EDDM13: variants seen among roughly 807,000 people sequenced by gnomAD.
The protein encoded by EDDM13 is epididymal protein 13.
A neutral mutation model predicts 17.8 loss-of-function variants in EDDM13; 24 were observed. That is an observed-to-expected ratio of 1.35 (90% CI 0.98 to 1.90). The LOEUF is 1.90. Among genes scored for constraint, EDDM13 ranks in the 40% most tolerant of loss-of-function variants. The pLI is 0.00. For missense variants in EDDM13, 97 were observed against 100.8 expected (o/e 0.96, Z 0.16); for synonymous variants, 31 against 37.5 (o/e 0.83, Z 0.63).
intron 13 of EDDM13, among the ~76,000 whole-genome samples, chr19:56,303,658 C>T (rs530045786): frequency 8.5e-5 from 13 of 152,092 alleles, no homozygotes; most frequent in South Asian, 4.1e-4. Context: ...CAGAGAAGAA[C>T]GGAACCCATA....
chr19:56,298,973 T>G (rs2040057625), intron 12 of EDDM13, among the ~76,000 whole-genome samples: 1 of 152,194 alleles, frequency 6.6e-6, no homozygotes, highest in African/African-American at 2.4e-5. Context: ...GCAATACATG[T>G]TAAACAATCA....
chr19:56,280,291 G>A (rs2869158), intron 2 of EDDM13, among the ~76,000 whole-genome samples: 59,224 of 151,974 alleles, frequency 0.39, 13,626 homozygotes, highest in Non-Finnish European at 0.51. Context: ...TTATTTATAC[G>A]TTTTTGGCTG....
At chr19:56,275,172 G>A (rs1363730060) in intron 1 of EDDM13, among the ~76,000 whole-genome samples, 1 of 152,112 alleles carries the variant, frequency 6.6e-6, no homozygotes, top group East Asian at 1.9e-4. Context: ...TTCCCCCTTT[G>A]TAATTAATAA....
chr19:56,274,534 TGA>T, intron 1 of EDDM13: 2 of 152,186 alleles, frequency 1.3e-5, no homozygotes, highest in Admixed American at 1.3e-4. Context: ...ATTTTAGACT[TGA>T]GGAAAAGTCA....
chr19:56,303,344 G>GGC (rs968791288), intron 13 of EDDM13, among the ~76,000 whole-genome samples: 17 of 152,204 alleles, frequency 1.1e-4, no homozygotes, highest in African/African-American at 4.1e-4. Context: ...CGGGCATGGT[G>GGC]GCGCATGCCT....
At chr19:56,285,490 G>A (rs775582132) in intron 6 of EDDM13, among the ~76,000 whole-genome samples, 2 of 152,128 alleles carry the variant, frequency 1.3e-5, no homozygotes, top group South Asian at 2.1e-4. Context: ...GAAATGCTTC[G>A]TGTGTACTCC....
intron 11 of EDDM13, among the ~76,000 whole-genome samples, chr19:56,296,892 G>A (rs2039912324): frequency 6.6e-6 from 1 of 152,064 alleles, no homozygotes; most frequent in South Asian, 2.1e-4. Flanking sequence ...CAATTATTTT[G>A]AAACAAATTT....
intron 2 of EDDM13, among the ~76,000 whole-genome samples, chr19:56,278,931 G>T (rs2038466889): frequency 6.6e-6 from 1 of 152,162 alleles, no homozygotes. Flanking sequence ...CAACTGGATG[G>T]TGCTCACCCA....
chr19:56,306,950 TC>T (rs2040725893), intron 14 of EDDM13, among the ~76,000 whole-genome samples: 1 of 47,414 alleles, frequency 2.1e-5, no homozygotes, highest in Non-Finnish European at 3.9e-5. Context: ...ACAAAGAGGC[TC>T]CTCCCTGGCC....
chr19:56,287,453 T>C (rs1469217778), intron 6 of EDDM13, among the ~76,000 whole-genome samples: 5 of 152,176 alleles, frequency 3.3e-5, no homozygotes, highest in Admixed American at 2.6e-4. Flanking sequence ...TCTTCTCCTT[T>C]TAACAAGCAC....
At chr19:56,275,488 C>T (rs994896878) in intron 1 of EDDM13, among the ~76,000 whole-genome samples, 17 of 152,074 alleles carry the variant, frequency 1.1e-4, no homozygotes, top group African/African-American at 3.6e-4. Context: ...CCCAGCACTT[C>T]GGGAGGCCAA....
At chr19:56,305,885 C>T (rs893857920) in intron 14 of EDDM13, among the ~76,000 whole-genome samples, 2 of 151,418 alleles carry the variant, frequency 1.3e-5, no homozygotes, top group African/African-American at 4.9e-5. Flanking sequence ...GTGAAAGAGC[C>T]TCCAGGTGAA....
chr19:56,299,572 G>A (rs949415098), intron 12 of EDDM13, among the ~76,000 whole-genome samples: 3 of 152,136 alleles, frequency 2.0e-5, no homozygotes, highest in Admixed American at 6.6e-5. Context: ...AGTATCCTCA[G>A]GGGTTGGGTC....
At chr19:56,304,953 AC>A in intron 14 of EDDM13, 123 bp downstream of exon 14, 1 of 233,386 alleles carries the variant, frequency 4.3e-6, no homozygotes, top group Non-Finnish European at 7.0e-6. Context: ...AATCATAGAA[AC>A]CCAGAATTCC....
At chr19:56,284,971 C>T (rs2038995792) in intron 5 of EDDM13, 27 bp from the exon 6 acceptor site, 1 of 982,082 alleles carries the variant, frequency 1.0e-6, no homozygotes, top group South Asian at 4.7e-5. Context: ...TGCATTTGCA[C>T]ATCATGTGTT....
chr19:56,290,361 T>C (rs1386639172), intron 8 of EDDM13, among the ~76,000 whole-genome samples: 1 of 152,248 alleles, frequency 6.6e-6, no homozygotes, highest in Non-Finnish European at 1.5e-5. Context: ...CAGAGCTGCA[T>C]AGTTGTGACT....
intron 5 of EDDM13, 35 bp from the exon 6 acceptor site, chr19:56,284,963 C>T (rs190502115): frequency 5.8e-5 from 57 of 976,972 alleles, no homozygotes; most frequent in Non-Finnish European, 6.3e-5. Context: ...CTTTCTGCTG[C>T]ATTTGCACAT....
At chr19:56,279,145 A>G (rs1297932415) in intron 2 of EDDM13, among the ~76,000 whole-genome samples, 1 of 152,212 alleles carries the variant, frequency 6.6e-6, no homozygotes, top group Non-Finnish European at 1.5e-5. Flanking sequence ...TGGGTGCCTT[A>G]GTCAAGCTGA....
At chr19:56,305,572 T>G (rs1036049882) in intron 14 of EDDM13, among the ~76,000 whole-genome samples, 1 of 152,214 alleles carries the variant, frequency 6.6e-6, no homozygotes, top group Admixed American at 6.5e-5. Context: ...TTTTAAAATC[T>G]TTTGGGGTAC....
Sources: gnomAD v4.1 joint callset for allele counts (sites outside exome capture counted in the v4.1 genomes callset) on GRCh38, gnomAD v4.1.1 for gene constraint, MANE v1.5 for transcripts, NCBI Gene and HGNC (gene_info 2026-07-23, HGNC 2026-07-21) for gene names.